CCDC88C: variants seen among roughly 807,000 people sequenced by gnomAD.
CCDC88C encodes the protein coiled-coil and HOOK domain protein 88C.
CCDC88C carries 131 observed loss-of-function variants against 198.8 expected under a neutral mutation model. The ratio of observed to expected loss-of-function variants is 0.66; its 90% CI spans 0.57 to 0.76. The LOEUF is 0.76. CCDC88C is among the 30% of genes least tolerant of loss of function. The pLI, the probability that CCDC88C is intolerant of heterozygous loss-of-function variation, is 0.00. For synonymous variants in CCDC88C, 1,166 were observed against 1,114.7 expected (o/e 1.05, Z -0.92); for missense variants, 2,553 against 2,631.6 (o/e 0.97, Z 0.65).
At chr14:91,328,456 C>T (rs978080014) in intron 10 of CCDC88C, among the ~76,000 whole-genome samples, 2 of 152,128 alleles carry the variant, frequency 1.3e-5, no homozygotes, top group Admixed American at 6.5e-5. Flanking sequence ...AAGGCCAGAA[C>T]GCCCCACCGT....
At chr14:91,307,868 A>G (rs1891628142) in intron 17 of CCDC88C, among the ~76,000 whole-genome samples, 1 of 152,252 alleles carries the variant, frequency 6.6e-6, no homozygotes, top group South Asian at 2.1e-4. Context: ...GCATGTGCAT[A>G]TGTGGAGAGT....
chr14:91,279,803 A>C (rs1323562717), intron 27 of CCDC88C: 2 of 152,408 alleles, frequency 1.3e-5, no homozygotes, highest in Non-Finnish European at 2.9e-5. Flanking sequence ...GTGTCACGTC[A>C]GGGGACCCAC....
Position 91,339,551 on chromosome 14 carries a change from A to G in CCDC88C, c.625-89T>C. On this transcript the variant is annotated intron_variant, in intron 7 of 29. Coordinates refer to ENST00000389857, the MANE Select transcript of CCDC88C (RefSeq NM_001080414.4). This position sits in a 1 kb window ranked among gnomAD's most constrained non-coding sequence, Gnocchi z 5.8. ...CTTGAACAGGGTGAAGAAACCGCCA[A>G]AAGACAGATATTTCAGCGGAGACTA... The G allele has an allele frequency of 2.4e-6, 3 of 1,263,294 alleles. No individual in the cohort carries two copies. The highest frequency in any genetic ancestry group is 2.2e-6 in the Non-Finnish European group (2 of 917,532). 78.3% of individuals were successfully genotyped at this position (1,263,294 alleles called of 1,614,324 possible). A position where few individuals can be genotyped will look rare whatever the true frequency, so the allele number is the denominator to read the frequency against.
chr14:91,375,404 C>CA (rs1010999208), intron 3 of CCDC88C, among the ~76,000 whole-genome samples: 7 of 151,472 alleles, frequency 4.6e-5, no homozygotes, highest in African/African-American at 7.3e-5. Context: ...CTGAGGACTC[C>CA]AAAAAAAATC....
intron 22 of CCDC88C, among the ~76,000 whole-genome samples, chr14:91,295,511 G>A (rs1010625399): frequency 4.6e-5 from 7 of 152,198 alleles, no homozygotes; most frequent in African/African-American, 1.7e-4. Flanking sequence ...TGGCCGGGGG[G>A]GCCCCAGGGA....
chr14:91,326,738 A>G (rs548523265), intron 10 of CCDC88C, among the ~76,000 whole-genome samples: 1 of 152,324 alleles, frequency 6.6e-6, no homozygotes, highest in East Asian at 1.9e-4. Context: ...TTAATTCAAC[A>G]TTCATTCTAC....
At chr14:91,299,492 C>T (rs1282541961) in intron 21 of CCDC88C, among the ~76,000 whole-genome samples, 4 of 152,240 alleles carry the variant, frequency 2.6e-5, no homozygotes, top group Non-Finnish European at 5.9e-5. Context: ...CATTTCACCA[C>T]TCTGTGCGTG....
At chr14:91,340,786 T>G in intron 6 of CCDC88C, among the ~76,000 whole-genome samples, 2 of 152,126 alleles carry the variant, frequency 1.3e-5, no homozygotes, top group East Asian at 3.9e-4. Flanking sequence ...TCAACAGAGA[T>G]AGAGAAAACA....
intron 23 of CCDC88C, among the ~76,000 whole-genome samples, chr14:91,291,746 G>A (rs1596028986): frequency 6.6e-6 from 1 of 152,170 alleles, no homozygotes; most frequent in Non-Finnish European, 1.5e-5. Context: ...ATGCCCAGAT[G>A]ATGAAGCCAA....
chr14:91,401,373 C>T (rs539161879), intron 3 of CCDC88C, among the ~76,000 whole-genome samples: 1 of 139,770 alleles, frequency 7.2e-6, no homozygotes, highest in Admixed American at 7.4e-5. Flanking sequence ...CTTACTCTGT[C>T]GCGCAGGCTG....
chr14:91,367,604 T>C (rs1029599771), intron 3 of CCDC88C, among the ~76,000 whole-genome samples: 2 of 151,606 alleles, frequency 1.3e-5, no homozygotes, highest in Non-Finnish European at 2.9e-5. Flanking sequence ...GGGAGGGAGG[T>C]AGACAGTGGC....
chr14:91,348,432 T>G (rs748156557), intron 4 of CCDC88C, among the ~76,000 whole-genome samples: 1 of 151,896 alleles, frequency 6.6e-6, no homozygotes, highest in South Asian at 2.1e-4. Flanking sequence ...GAGCTTTGAT[T>G]GTGCCACTGC....
At chr14:91,316,379 G>A (rs1892097073) in intron 13 of CCDC88C, among the ~76,000 whole-genome samples, 1 of 151,206 alleles carries the variant, frequency 6.6e-6, no homozygotes, top group Admixed American at 6.6e-5. Context: ...TATGCTCCCC[G>A]TTGCACACGA....
chr14:91,307,956 G>A (rs554438187), intron 17 of CCDC88C, among the ~76,000 whole-genome samples: 32 of 152,356 alleles, frequency 2.1e-4, no homozygotes, highest in African/African-American at 7.5e-4. Flanking sequence ...GTGCATGCAT[G>A]CACCCAGAAG....
At position 91,401,268 on chromosome 14, in the gene CCDC88C, A is replaced by T. The variant is rs568327149; in HGVS notation, c.270+7391T>A. Among the ~76,000 whole-genome samples the T allele has an allele frequency of 4.0e-3, 578 of 144,732 alleles. 4 individuals are homozygous for T. Among genetic ancestry groups the T allele is most frequent in the African/African-American group, 0.014 (551 of 39,814 alleles). 94.9% of individuals were successfully genotyped at this position (144,732 alleles called of 152,430 possible). A position where few individuals can be genotyped will look rare whatever the true frequency, so the allele number is the denominator to read the frequency against. ...TTATATATTATATAATATATACATT[A>T]TATATATTATATATTATATACATTA... On this transcript the variant is annotated intron_variant, in intron 3 of 29. Transcript: ENST00000389857.
At chr14:91,353,615 T>A (rs902789743) in intron 4 of CCDC88C, among the ~76,000 whole-genome samples, 1 of 152,208 alleles carries the variant, frequency 6.6e-6, no homozygotes, top group Non-Finnish European at 1.5e-5. Context: ...TCGGGCCTTC[T>A]GGCTTCCTCA....
Position 91,339,893 on chromosome 14 carries a change from C to T in CCDC88C, c.615G>A (p.Glu205=), listed in dbSNP as rs931694103. 1.9e-6 allele frequency: 3 copies of T among 1,586,616 alleles called. No homozygotes were observed. Among genetic ancestry groups the T allele is most frequent in the Admixed American group, 1.8e-5 (1 of 57,076 alleles). The change falls in exon 7 of 30, where the codon GAG becomes GAA. Residue 205 remains glutamate, a synonymous_variant. Coordinates refer to ENST00000389857, the MANE Select transcript of CCDC88C (RefSeq NM_001080414.4). The surrounding 1 kb of genome is among the most constrained non-coding windows in gnomAD (Gnocchi z 5.8). ...CGACCCGCGGACGCACCTCGGTGCA[C>T]TCGTCCCGCTGGTCGATGAGCCTCC... ...HLRRLIDQRD[E]CTELIVDLTQ...
chr14:91,378,155 A>G (rs550222093), intron 3 of CCDC88C, among the ~76,000 whole-genome samples: 1 of 152,354 alleles, frequency 6.6e-6, no homozygotes, highest in East Asian at 1.9e-4. Flanking sequence ...CAAGGCAATA[A>G]TTGTGTGACA....
rs551475919 is a variant in CCDC88C, at chr14:91,275,845, G to A, written c.5058+2077C>T. On this transcript the variant is annotated intron_variant, in intron 29 of 29. Transcript: ENST00000389857. ...TTTTTTTTTTTTTTTTTTTTGAGACGGAGTTTCGCTCTGTCGCCCAGGCTG... is the reference window on the plus strand; with the variant it reads ...TTTTTTTTTTTTTTTTTTTTGAGACAGAGTTTCGCTCTGTCGCCCAGGCTG... 9.3e-3 allele frequency among the ~76,000 whole-genome samples: 735 copies of A among 78,722 alleles called. 6 individuals are homozygous for A. Among genetic ancestry groups the A allele is most frequent in the Middle Eastern group, 0.033 (2 of 60 alleles). The allele number at this position is 78,722 out of a possible 152,430, so 51.6% of individuals were successfully genotyped here. A position where few individuals can be genotyped will look rare whatever the true frequency, so the allele number is the denominator to read the frequency against.
Sources: gnomAD v4.1 joint callset for allele counts (sites outside exome capture counted in the v4.1 genomes callset) on GRCh38, gnomAD v4.1.1 for gene constraint, Gnocchi (gnomAD v3.1) non-coding constraint, MANE v1.5 for transcripts, NCBI Gene and HGNC (gene_info 2026-07-23, HGNC 2026-07-21) for gene names.